CLYBL: variants seen among roughly 807,000 people sequenced by gnomAD.
CLYBL encodes citramalyl-CoA lyase.
CLYBL carries 31 observed loss-of-function variants against 38.9 expected under a neutral mutation model. The ratio of observed to expected loss-of-function variants is 0.80; its 90% CI spans 0.60 to 1.08. CLYBL has a LOEUF of 1.08. CLYBL is among the 50% of genes least tolerant of loss of function. The probability of loss-of-function intolerance (pLI) is 0.00; values close to 1 mark genes in which losing one functional copy is unlikely to be tolerated. For missense variants in CLYBL, 434 were observed against 411.6 expected (o/e 1.05, Z -0.47); for synonymous variants, 171 against 158.6 (o/e 1.08, Z -0.59).
intron 2 of CLYBL, among the ~76,000 whole-genome samples, chr13:99,836,323 G>A (rs1276369702): frequency 2.6e-5 from 4 of 152,280 alleles, no homozygotes; most frequent in Non-Finnish European, 5.9e-5. Context: ...TCTTCCCCTG[G>A]AGAGGGTGGT....
chr13:99,791,873 G>A (rs1005892884), intron 2 of CLYBL, among the ~76,000 whole-genome samples: 1 of 152,046 alleles, frequency 6.6e-6, no homozygotes, highest in Non-Finnish European at 1.5e-5. Context: ...ACTCTCACAG[G>A]GTAATATATT....
downstream of CLYBL, among the ~76,000 whole-genome samples, chr13:99,900,715 TG>T (rs927914959): frequency 6.6e-6 from 1 of 152,166 alleles, no homozygotes; most frequent in Non-Finnish European, 1.5e-5. Flanking sequence ...CTCAGATTCG[TG>T]CTTCCACATC....
intron 1 of CLYBL, among the ~76,000 whole-genome samples, chr13:99,772,281 A>T (rs1450542343): frequency 6.6e-6 from 1 of 152,244 alleles, no homozygotes; most frequent in African/African-American, 2.4e-5. Context: ...GTCTCAGAAG[A>T]TGTCAGTAAA....
At chr13:99,797,959 G>T (rs2050056634) in intron 2 of CLYBL, among the ~76,000 whole-genome samples, 1 of 152,146 alleles carries the variant, frequency 6.6e-6, no homozygotes, top group Admixed American at 6.6e-5. Context: ...TGTTTTCTGT[G>T]TTTGACTGCA....
intron 1 of CLYBL, among the ~76,000 whole-genome samples, chr13:99,715,958 AGAAAGCG>A (rs1045098000): frequency 6.6e-6 from 1 of 152,096 alleles, no homozygotes; most frequent in African/African-American, 2.4e-5. Flanking sequence ...GGTTTTAGAA[AGAAAGCG>A]GAGACAAATA....
chr13:99,819,416 TTATATATATATATATATA>T (rs71715024), intron 2 of CLYBL, among the ~76,000 whole-genome samples: 396 of 18,366 alleles, frequency 0.022, 11 homozygotes, highest in African/African-American at 0.061. Flanking sequence ...GGGAAAAAAT[TTATATATATATATATATA>T]TATATATATA....
At chr13:99,686,135 G>A (rs1348671560) in intron 1 of CLYBL, among the ~76,000 whole-genome samples, 4 of 152,074 alleles carry the variant, frequency 2.6e-5, no homozygotes, top group Non-Finnish European at 5.9e-5. Flanking sequence ...GGCAGTTCCC[G>A]GGAATTTGTG....
chr13:99,718,327 G>A (rs192929745), intron 1 of CLYBL, among the ~76,000 whole-genome samples: 2 of 150,190 alleles, frequency 1.3e-5, no homozygotes, highest in South Asian at 2.1e-4. Flanking sequence ...CCTCTTCTAG[G>A]TTTGACTCCT....
intron 2 of CLYBL, among the ~76,000 whole-genome samples, chr13:99,845,468 C>T (rs950112443): frequency 1.3e-5 from 2 of 152,204 alleles, no homozygotes; most frequent in African/African-American, 4.8e-5. Flanking sequence ...TGCCTGGCAC[C>T]AGTGAAGGAA....
In CLYBL at chr13:99,657,956, TC is replaced by T. The variant is rs759467886; in HGVS notation, c.62+51201del. Among the ~76,000 whole-genome samples the T allele has an allele frequency of 3.3e-5, 5 of 152,336 alleles. No homozygotes were observed. In the South Asian group the frequency reaches 1.0e-3, roughly 32 times the overall value. ...CCTGAGTCTCCATGTTTCCTCGCAG[TC>T]CGGGGCAGAACCCAAGCCCGTGCCT... On this transcript the variant is annotated intron_variant, in intron 1 of 8. Transcript: ENST00000339105.
chr13:99,747,179 C>A (rs921465044), intron 1 of CLYBL, among the ~76,000 whole-genome samples: 1 of 152,094 alleles, frequency 6.6e-6, no homozygotes, highest in Non-Finnish European at 1.5e-5. Flanking sequence ...AAACAAGGAG[C>A]TTTGCAGAAA....
intron 1 of CLYBL, among the ~76,000 whole-genome samples, chr13:99,735,949 A>G (rs150338337): frequency 4.6e-5 from 7 of 152,074 alleles, no homozygotes; most frequent in Non-Finnish European, 8.8e-5. Context: ...TCTCTTTTCA[A>G]CACAATTCTG....
At chr13:99,732,899 G>T (rs9585206) in intron 1 of CLYBL, among the ~76,000 whole-genome samples, 3,397 of 152,168 alleles carry the variant, frequency 0.022, 119 homozygotes, top group African/African-American at 0.078. Flanking sequence ...TGGTTTGTAG[G>T]TAAATAGTAA....
intron 2 of CLYBL, among the ~76,000 whole-genome samples, chr13:99,824,413 T>C (rs75060122): frequency 0.043 from 6,597 of 152,290 alleles, 457 homozygotes; most frequent in African/African-American, 0.15. Context: ...CTCCCCACTT[T>C]TGGATTGAAA....
At chr13:99,754,415 T>TC (rs201247636) in intron 1 of CLYBL, among the ~76,000 whole-genome samples, 3,510 of 52,580 alleles carry the variant, frequency 0.067, 183 homozygotes, top group African/African-American at 0.22. Flanking sequence ...AGACCCTGTC[T>TC]CAAAAAAAAA....
chr13:99,656,450 A>C (rs1464158621), intron 1 of CLYBL, among the ~76,000 whole-genome samples: 1 of 152,138 alleles, frequency 6.6e-6, no homozygotes, highest in Non-Finnish European at 1.5e-5. Context: ...ACAGATAGGT[A>C]TATATATATG....
chr13:99,854,047 C>T (rs939632946), intron 2 of CLYBL, among the ~76,000 whole-genome samples: 1 of 152,202 alleles, frequency 6.6e-6, no homozygotes, highest in Non-Finnish European at 1.5e-5. Flanking sequence ...ATGGCAATTG[C>T]CTTTTGCAGG....
chr13:99,671,668 T>C (rs2047566365), intron 1 of CLYBL, among the ~76,000 whole-genome samples: 2 of 151,556 alleles, frequency 1.3e-5, no homozygotes. Flanking sequence ...TAATCCCAGC[T>C]ACTCGGGAGA....
intron 1 of CLYBL, among the ~76,000 whole-genome samples, chr13:99,612,865 G>T (rs1411130682): frequency 6.6e-6 from 1 of 151,698 alleles, no homozygotes; most frequent in Non-Finnish European, 1.5e-5. Flanking sequence ...AATTTTAAAA[G>T]TTAGCTGGAT....
Sources: gnomAD v4.1 joint callset for allele counts (sites outside exome capture counted in the v4.1 genomes callset) on GRCh38, gnomAD v4.1.1 for gene constraint, MANE v1.5 for transcripts, NCBI Gene and HGNC (gene_info 2026-07-23, HGNC 2026-07-21) for gene names.